S100PBP: variants seen among roughly 807,000 people sequenced by gnomAD.
S100PBP encodes S100P binding protein.
Under a neutral mutation model 39.9 loss-of-function variants are expected in S100PBP, and 15 were observed. That is an observed-to-expected ratio of 0.38 (90% CI 0.25 to 0.58). S100PBP has a LOEUF of 0.58. Among genes scored for constraint, S100PBP ranks in the 20% least tolerant of loss-of-function variants. The pLI is 0.70. For synonymous variants in S100PBP, 178 were observed against 180.3 expected (o/e 0.99, Z 0.10); for missense variants, 504 against 487.3 (o/e 1.03, Z -0.32).
At chr1:32,826,006 T>G in intron 2 of S100PBP, 92 bp from the exon 3 acceptor site, 1 of 883,242 alleles carries the variant, frequency 1.1e-6, no homozygotes, top group Non-Finnish European at 1.8e-6. Flanking sequence ...GCAAAGATTT[T>G]GAAATACTAG....
At chr1:32,848,597 G>A (rs974363302) in intron 5 of S100PBP, among the ~76,000 whole-genome samples, 2 of 152,144 alleles carry the variant, frequency 1.3e-5, no homozygotes, top group South Asian at 2.1e-4. Flanking sequence ...CTTTGGTCAT[G>A]TGCCACACTT....
intron 5 of S100PBP, chr1:32,846,816 T>A (rs1640401162): frequency 6.6e-6 from 1 of 151,690 alleles, no homozygotes; most frequent in African/African-American, 2.4e-5. Flanking sequence ...AGTTTCACTC[T>A]TGTCGCCCAG....
At chr1:32,844,674 G>A (rs1368092285) in intron 5 of S100PBP, among the ~76,000 whole-genome samples, 1 of 151,270 alleles carries the variant, frequency 6.6e-6, no homozygotes, top group Middle Eastern at 3.2e-3. Context: ...CTCCAGCTTT[G>A]GCCTCCCAAA....
At chr1:32,817,767 G>C (rs1011754427) in intron 1 of S100PBP, 78 bp downstream of exon 1, 1 of 187,208 alleles carries the variant, frequency 5.3e-6, no homozygotes, top group Non-Finnish European at 1.2e-5. Context: ...TTCTCCAGGG[G>C]GTTGCGCACG....
At chr1:32,844,452 G>C (rs1640264568) in intron 5 of S100PBP, among the ~76,000 whole-genome samples, 1 of 152,126 alleles carries the variant, frequency 6.6e-6, no homozygotes, top group Admixed American at 6.6e-5. Flanking sequence ...CTTGTGCCTA[G>C]CCTAGGTTAC....
upstream of S100PBP, chr1:32,817,108 GA>G: frequency 6.4e-7 from 1 of 1,572,636 alleles, no homozygotes. Flanking sequence ...CACATACTTA[GA>G]ACCCCGTAAT....
chr1:32,833,451 TC>T (rs1220711442), intron 5 of S100PBP, among the ~76,000 whole-genome samples: 1 of 151,392 alleles, frequency 6.6e-6, no homozygotes, highest in Non-Finnish European at 1.5e-5. Flanking sequence ...AGCCTCTCCC[TC>T]CCGGGTTCAA....
chr1:32,853,683 G>A (rs191008782), intron 6 of S100PBP, among the ~76,000 whole-genome samples: 7 of 152,248 alleles, frequency 4.6e-5, no homozygotes, highest in Admixed American at 2.6e-4. Context: ...AGGATTGCTT[G>A]AGCCCAGGAG....
chr1:32,853,493 TGGG>T (rs4011934), intron 6 of S100PBP, among the ~76,000 whole-genome samples: 6 of 138,338 alleles, frequency 4.3e-5, no homozygotes, highest in African/African-American at 1.1e-4. Flanking sequence ...GAAAAGGCGG[TGGG>T]GGGGGGGCGC....
In S100PBP at chr1:32,828,092, G is replaced by C; in HGVS notation, c.920+11G>C. 2 of 1,524,656 alleles carry C rather than the reference G, an allele frequency of 1.3e-6. No homozygotes were observed. The highest frequency in any genetic ancestry group is 1.8e-6 in the Non-Finnish European group (2 of 1,102,494). 94.4% of individuals were successfully genotyped at this position (1,524,656 alleles called of 1,614,324 possible). ...ACAAACTAAGACCAGGTAATGTAAA[G>C]TATAATTAAATATTCTGATTTATTT... On this transcript the variant is annotated intron_variant, in intron 4 of 6. Transcript: ENST00000373475.
intron 5 of S100PBP, among the ~76,000 whole-genome samples, chr1:32,843,627 AC>A (rs1461144328): frequency 6.6e-6 from 1 of 151,956 alleles, no homozygotes; most frequent in Non-Finnish European, 1.5e-5. Flanking sequence ...CTAATTTTGT[AC>A]TTTTAGTAGA....
chr1:32,828,242 CAATT>C (rs1163213606), intron 4 of S100PBP, among the ~76,000 whole-genome samples, 161 bp downstream of exon 4: 2 of 152,010 alleles, frequency 1.3e-5, no homozygotes, highest in Non-Finnish European at 2.9e-5. Flanking sequence ...TTTGGCAAGT[CAATT>C]AATCTCTTAC....
At chr1:32,843,512 G>A (rs1239260142) in intron 5 of S100PBP, among the ~76,000 whole-genome samples, 1 of 151,602 alleles carries the variant, frequency 6.6e-6, no homozygotes, top group Non-Finnish European at 1.5e-5. Context: ...GCTGGAGTGC[G>A]ATGGCACAAT....
chr1:32,846,282 C>G (rs1341581444), intron 5 of S100PBP, among the ~76,000 whole-genome samples: 5 of 152,058 alleles, frequency 3.3e-5, no homozygotes, highest in Non-Finnish European at 7.4e-5. Context: ...AGCCACCACG[C>G]CTGCCCTCCT....
chr1:32,824,842 AT>A, intron 1 of S100PBP: 1 of 144,082 alleles, frequency 6.9e-6, no homozygotes, highest in African/African-American at 2.6e-5. Flanking sequence ...ATATATATAT[AT>A]ATAAAGATTT....
chr1:32,845,576 G>C (rs1222685060), intron 5 of S100PBP, among the ~76,000 whole-genome samples: 1 of 152,002 alleles, frequency 6.6e-6, no homozygotes, highest in Non-Finnish European at 1.5e-5. Context: ...TGGAAGATCA[G>C]ATCATTGATC....
chr1:32,837,127 C>T (rs1356720574), intron 5 of S100PBP: 3 of 111,438 alleles, frequency 2.7e-5, no homozygotes, highest in African/African-American at 1.0e-4. Context: ...GCCTGTAGTC[C>T]AGCCTGGGCA....
chr1:32,817,512 C>T, upstream of S100PBP: 2 of 594,642 alleles, frequency 3.4e-6, no homozygotes, highest in Non-Finnish European at 6.0e-6. Context: ...GGCGCCTGAG[C>T]GGGGCACAAC....
intron 5 of S100PBP, among the ~76,000 whole-genome samples, chr1:32,851,697 A>G (rs1249009970): frequency 6.6e-6 from 1 of 152,058 alleles, no homozygotes; most frequent in African/African-American, 2.4e-5. Flanking sequence ...AAAGAAAAAA[A>G]AAGTGTTTCT....
Sources: allele counts gnomAD v4.1 joint callset (sites outside exome capture counted in the v4.1 genomes callset), GRCh38; gene constraint gnomAD v4.1.1; transcripts MANE v1.5; gene names NCBI Gene and HGNC (gene_info 2026-07-23, HGNC 2026-07-21).